Variants in IL1RAPL2 observed in about 807,000 individuals in gnomAD.
The protein encoded by IL1RAPL2 is interleukin 1 receptor accessory protein like 2.
IL1RAPL2 carries 3 observed loss-of-function variants against 44.1 expected under a neutral mutation model. That is an observed-to-expected ratio of 0.07 (90% confidence interval 0.03 to 0.18). The LOEUF (loss-of-function observed/expected upper bound fraction) is 0.18, where lower values mean the gene tolerates loss of function less well. Ranked by LOEUF, IL1RAPL2 falls within the 10% of genes least tolerant of loss-of-function variation. IL1RAPL2 has a pLI of 1.00. For synonymous variants in IL1RAPL2, 181 were observed against 178.8 expected (o/e 1.01, Z -0.10); for missense variants, 391 against 496.4 (o/e 0.79, Z 2.02).
intron 1 of IL1RAPL2, among the ~76,000 whole-genome samples, chrX:104,633,121 C>A (rs1257908912): frequency 9.0e-6 from 1 of 111,633 alleles, no homozygotes; most frequent in East Asian, 2.8e-4. Context: ...GTCTTTGGTT[C>A]TGTTTATATG....
intron 2 of IL1RAPL2, among the ~76,000 whole-genome samples, chrX:104,962,795 C>T (rs2030033769): frequency 8.9e-6 from 1 of 111,938 alleles, no homozygotes; most frequent in Non-Finnish European, 1.9e-5. Context: ...TCTTCAATCT[C>T]TGCCTTTCTC....
chrX:105,032,542 A>G (rs185711847), intron 2 of IL1RAPL2, among the ~76,000 whole-genome samples: 56 of 111,504 alleles, frequency 5.0e-4, no homozygotes, highest in East Asian at 2.3e-3. Context: ...AGTTTTGAGT[A>G]AGTTTCTTAA....
At chrX:105,314,439 C>T (rs1409420181) in intron 5 of IL1RAPL2, among the ~76,000 whole-genome samples, 2 of 111,433 alleles carry the variant, frequency 1.8e-5, no homozygotes, top group Admixed American at 9.6e-5. Flanking sequence ...TCTGTAGCTG[C>T]GGACAATCAA....
chrX:104,628,525 CT>C (rs1270568727), intron 1 of IL1RAPL2, among the ~76,000 whole-genome samples: 9 of 111,722 alleles, frequency 8.1e-5, no homozygotes, highest in African/African-American at 2.6e-4. Flanking sequence ...TTATTTTATT[CT>C]TTTTTTATGG....
At chrX:105,679,837 A>G (rs1259565322) in intron 6 of IL1RAPL2, among the ~76,000 whole-genome samples, 1 of 111,728 alleles carries the variant, frequency 9.0e-6, no homozygotes, top group Non-Finnish European at 1.9e-5. Context: ...AAGTGCAGCA[A>G]GTGTGCTAAT....
chrX:104,866,826 G>A (rs906722262), intron 2 of IL1RAPL2, among the ~76,000 whole-genome samples: 2 of 111,467 alleles, frequency 1.8e-5, no homozygotes, highest in Non-Finnish European at 3.8e-5. Context: ...TTGAGCTAAT[G>A]ACAGATAATT....
intron 2 of IL1RAPL2, among the ~76,000 whole-genome samples, chrX:104,807,381 C>T (rs972902872): frequency 4.5e-5 from 5 of 110,659 alleles, no homozygotes; most frequent in African/African-American, 6.6e-5. Context: ...GTGGGATAGG[C>T]CTGTTTGAGG....
chrX:105,362,379 G>A (rs2035254112), intron 5 of IL1RAPL2, among the ~76,000 whole-genome samples: 1 of 111,162 alleles, frequency 9.0e-6, no homozygotes. Flanking sequence ...GAGATTGATT[G>A]AATTATATAA....
intron 2 of IL1RAPL2, among the ~76,000 whole-genome samples, chrX:104,880,986 A>G (rs1224123857): frequency 8.9e-6 from 1 of 111,814 alleles, no homozygotes; most frequent in Non-Finnish European, 1.9e-5. Context: ...GTGGTTATTA[A>G]TGTGGTAGTA....
intron 2 of IL1RAPL2, among the ~76,000 whole-genome samples, chrX:105,129,674 A>G (rs1353662740): frequency 9.0e-6 from 1 of 110,702 alleles, no homozygotes; most frequent in East Asian, 2.9e-4. Context: ...TAATTTATAT[A>G]TTGAAGATGG....
At chrX:104,825,979 C>A (rs938540255) in intron 2 of IL1RAPL2, among the ~76,000 whole-genome samples, 1 of 111,802 alleles carries the variant, frequency 8.9e-6, no homozygotes, top group Non-Finnish European at 1.9e-5. Flanking sequence ...TGGTCCTTGA[C>A]TGAAACAGCT....
At chrX:105,557,976 T>C (rs1171238483) in intron 6 of IL1RAPL2, among the ~76,000 whole-genome samples, 2 of 111,167 alleles carry the variant, frequency 1.8e-5, no homozygotes, top group Non-Finnish European at 3.8e-5. Flanking sequence ...TTAATACATA[T>C]ACTTAGTAAA....
intron 5 of IL1RAPL2, among the ~76,000 whole-genome samples, chrX:105,353,217 G>C (rs770592235): frequency 3.0e-4 from 33 of 111,281 alleles, no homozygotes; most frequent in Admixed American, 1.3e-3. Flanking sequence ...TTTTTGTCAG[G>C]TTTGTCAAAG....
chrX:105,055,004 T>C (rs183273962), intron 2 of IL1RAPL2, among the ~76,000 whole-genome samples: 1 of 112,927 alleles, frequency 8.9e-6, no homozygotes, highest in African/African-American at 3.2e-5. Context: ...ATTTGTTATG[T>C]ATATGTGAAT....
At chrX:105,264,738 A>G (rs768811501) in intron 4 of IL1RAPL2, among the ~76,000 whole-genome samples, 29 of 112,164 alleles carry the variant, frequency 2.6e-4, no homozygotes, top group Non-Finnish European at 5.3e-4. Context: ...TATTATTCCC[A>G]TAAGCAAATT....
chrX:105,278,853 C>T (rs2034506088), intron 5 of IL1RAPL2, among the ~76,000 whole-genome samples: 1 of 111,361 alleles, frequency 9.0e-6, no homozygotes, highest in African/African-American at 3.3e-5. Flanking sequence ...CTGCTCAATA[C>T]ATGTCACTAG....
intron 4 of IL1RAPL2, among the ~76,000 whole-genome samples, chrX:105,243,565 G>GTA (rs1225123301): frequency 1.0e-3 from 82 of 78,619 alleles, no homozygotes; most frequent in African/African-American, 7.2e-3. Context: ...ATATATATGT[G>GTA]TGTATATATA....
intron 2 of IL1RAPL2, among the ~76,000 whole-genome samples, chrX:104,714,314 TC>T (rs750840768): frequency 9.0e-6 from 1 of 111,169 alleles, no homozygotes; most frequent in Admixed American, 9.5e-5. Flanking sequence ...TGGCTCTGTG[TC>T]CCCACACAAA....
intron 5 of IL1RAPL2, among the ~76,000 whole-genome samples, chrX:105,283,111 A>G: frequency 9.0e-6 from 1 of 111,603 alleles, no homozygotes; most frequent in Middle Eastern, 4.6e-3. Context: ...CTCACTCCAC[A>G]TGTAATACAT....
Sources: allele counts gnomAD v4.1 joint callset (sites outside exome capture counted in the v4.1 genomes callset), GRCh38; gene constraint gnomAD v4.1.1; transcripts MANE v1.5; gene names NCBI Gene and HGNC (gene_info 2026-07-23, HGNC 2026-07-21).